Variants in RPH3A observed in about 807,000 individuals in gnomAD.
The protein encoded by RPH3A is rabphilin-3A.
Under a neutral mutation model 102.2 loss-of-function variants are expected in RPH3A, and 48 were observed. The ratio of observed to expected loss-of-function variants is 0.47; its 90% CI spans 0.37 to 0.60. RPH3A has a LOEUF of 0.60. Among genes scored for constraint, RPH3A ranks in the 20% least tolerant of loss-of-function variants. The probability of loss-of-function intolerance (pLI) is 0.00; values close to 1 mark genes in which losing one functional copy is unlikely to be tolerated. For missense variants in RPH3A, 781 were observed against 910.1 expected, an observed-to-expected ratio of 0.86 and a Z score of 1.83; for synonymous variants, 310 against 324.3, an observed-to-expected ratio of 0.96 and a Z score of 0.47.
At chr12:112,694,009 C>G (rs1029842284) in intron 1 of RPH3A, among the ~76,000 whole-genome samples, 11 of 152,196 alleles carry the variant, frequency 7.2e-5, no homozygotes, top group African/African-American at 2.7e-4. Context: ...CTAATTCGCT[C>G]TGCACACTCT....
intron 1 of RPH3A, among the ~76,000 whole-genome samples, chr12:112,641,094 C>T (rs1372609896): frequency 6.6e-6 from 1 of 152,196 alleles, no homozygotes; most frequent in Non-Finnish European, 1.5e-5. Context: ...GGCCATAAAT[C>T]TCCTAATCAG....
In RPH3A at chr12:112,846,022, G is replaced by A. The variant is rs1403015098; in HGVS notation, c.84-1674G>A. Among the ~76,000 whole-genome samples the A allele has an allele frequency of 2.0e-5, 3 of 152,312 alleles. No homozygotes were observed. The East Asian group carries it at 5.8e-4, about 29-fold the overall frequency. On this transcript the variant is annotated intron_variant, in intron 4 of 21. Coordinates refer to ENST00000389385, the MANE Select transcript of RPH3A (RefSeq NM_001143854.2). ...AGACTTGGGCATTTAAGATTGAGCA[G>A]AGAGGCCAGTGCAGCTGGAGCCTAG...
intron 1 of RPH3A, among the ~76,000 whole-genome samples, chr12:112,679,583 G>A (rs533843047): frequency 2.0e-4 from 31 of 152,132 alleles, no homozygotes; most frequent in Admixed American, 5.2e-4. Context: ...GCACCACCAC[G>A]CCCGGCTAAT....
chr12:112,781,688 C>A (rs1357308388), intron 1 of RPH3A, among the ~76,000 whole-genome samples: 1 of 152,206 alleles, frequency 6.6e-6, no homozygotes, highest in African/African-American at 2.4e-5. Flanking sequence ...TCCATTCATT[C>A]ATTCATTCAC....
At chr12:112,677,753 G>A (rs574424644) in intron 1 of RPH3A, among the ~76,000 whole-genome samples, 1 of 152,186 alleles carries the variant, frequency 6.6e-6, no homozygotes, top group South Asian at 2.1e-4. Context: ...ACAGCCCAGA[G>A]CTTGGCACAC....
At chr12:112,713,503 C>T (rs764469337) in intron 1 of RPH3A, among the ~76,000 whole-genome samples, 5 of 151,718 alleles carry the variant, frequency 3.3e-5, no homozygotes, top group African/African-American at 1.2e-4. Context: ...TCAAGCCAAG[C>T]TTGGTTCAGT....
chr12:112,630,836 G>A (rs2039798790), intron 1 of RPH3A, among the ~76,000 whole-genome samples: 1 of 152,122 alleles, frequency 6.6e-6, no homozygotes, highest in Non-Finnish European at 1.5e-5. Flanking sequence ...AATCCTTGCT[G>A]TCATTCACTG....
At chr12:112,684,256 T>A (rs1469135493) in intron 1 of RPH3A, among the ~76,000 whole-genome samples, 3 of 152,150 alleles carry the variant, frequency 2.0e-5, no homozygotes, top group African/African-American at 7.2e-5. Flanking sequence ...ATTGTTTTTT[T>A]GTTTTGCTTT....
At chr12:112,637,806 AG>A (rs1331464345) in intron 1 of RPH3A, among the ~76,000 whole-genome samples, 1 of 152,106 alleles carries the variant, frequency 6.6e-6, no homozygotes, top group Non-Finnish European at 1.5e-5. Flanking sequence ...GAGAGCCCGA[AG>A]GCAGAAGCTT....
intron 1 of RPH3A, among the ~76,000 whole-genome samples, chr12:112,779,592 T>C (rs2040992960): frequency 6.6e-6 from 1 of 152,176 alleles, no homozygotes; most frequent in Non-Finnish European, 1.5e-5. Flanking sequence ...CCTTCCATTG[T>C]ACAGATGGAG....
chr12:112,658,428 C>T (rs887044596), intron 1 of RPH3A, among the ~76,000 whole-genome samples: 2 of 152,146 alleles, frequency 1.3e-5, no homozygotes, highest in African/African-American at 2.4e-5. Context: ...CTGCCCACCT[C>T]GGCCTCCCGA....
At chr12:112,588,283 T>A (rs183271845) in intron 1 of RPH3A, among the ~76,000 whole-genome samples, 1 of 152,336 alleles carries the variant, frequency 6.6e-6, no homozygotes, top group Non-Finnish European at 1.5e-5. Flanking sequence ...GAGACTGAGT[T>A]ATTTATAAAT....
intron 5 of RPH3A, 120 bp downstream of exon 5, chr12:112,847,962 T>C (rs892077999): frequency 2.6e-6 from 3 of 1,134,442 alleles, no homozygotes; most frequent in Non-Finnish European, 3.7e-6. Flanking sequence ...TTGCCATTTG[T>C]GACTTACGGG....
chr12:112,762,665 C>T lies in RPH3A; in HGVS notation c.-139-29478C>T, dbSNP rs939873845. On this transcript the variant is annotated intron_variant, in intron 1 of 21. Transcript: ENST00000543106. ...GATCCAGGGACTCATATTATACCATCAGGACTTTTTGTTTTTGTTAGATCA... is the reference window on the plus strand; with the variant it reads ...GATCCAGGGACTCATATTATACCATTAGGACTTTTTGTTTTTGTTAGATCA... 2.0e-5 allele frequency among the ~76,000 whole-genome samples: 3 copies of T among 152,160 alleles called. No homozygotes were observed. The South Asian group carries it at 6.2e-4, about 32-fold the overall frequency.
chr12:112,672,120 A>C (rs2040136698), intron 1 of RPH3A, among the ~76,000 whole-genome samples: 1 of 151,906 alleles, frequency 6.6e-6, no homozygotes, highest in Non-Finnish European at 1.5e-5. Context: ...CAAGTGTCAA[A>C]TCTGCAGGGC....
chr12:112,779,614 G>A (rs1422214122), intron 1 of RPH3A, among the ~76,000 whole-genome samples: 1 of 152,164 alleles, frequency 6.6e-6, no homozygotes, highest in East Asian at 1.9e-4. Flanking sequence ...AGGTGAGGTA[G>A]GGCTGATTAT....
rs113300498 is a variant in RPH3A, at chr12:112,815,804, T to C, written c.-18-12497T>C. Among the ~76,000 whole-genome samples, 17 of 152,340 alleles carry C rather than the reference T, an allele frequency of 1.1e-4. 1 individual carries two copies. The highest frequency in any genetic ancestry group is 3.8e-4 in the African/African-American group (16 of 41,592). ...GCCAGTGTGTCTGTGTGTGCATGTGTTGAGTGCTGAAATCAATTCTGAGCC... is the reference window on the plus strand; with the variant it reads ...GCCAGTGTGTCTGTGTGTGCATGTGCTGAGTGCTGAAATCAATTCTGAGCC... On this transcript the variant is annotated intron_variant, in intron 2 of 21. Transcript: ENST00000389385.
chr12:112,743,449 C>T (rs1312436004), intron 1 of RPH3A, among the ~76,000 whole-genome samples: 35 of 152,172 alleles, frequency 2.3e-4, no homozygotes, highest in Non-Finnish European at 1.5e-5. Context: ...CTTGGAGAAA[C>T]CCAGCTCCAC....
At chr12:112,887,990 T>A in intron 17 of RPH3A, 67 bp downstream of exon 17, 2 of 1,576,952 alleles carry the variant, frequency 1.3e-6, no homozygotes. Flanking sequence ...TTCCTCTGGG[T>A]CTGAATTGGG....
Sources: gnomAD v4.1 joint callset for allele counts (sites outside exome capture counted in the v4.1 genomes callset) on GRCh38, gnomAD v4.1.1 for gene constraint, MANE v1.5 for transcripts, NCBI Gene and HGNC (gene_info 2026-07-23, HGNC 2026-07-21) for gene names.